Variants in ATRNL1 observed in about 807,000 individuals in gnomAD.
ATRNL1 encodes the protein attractin-like protein 1.
A neutral mutation model predicts 182.7 loss-of-function variants in ATRNL1; 95 were observed. That is an observed-to-expected ratio of 0.52 (90% confidence interval 0.44 to 0.62). The LOEUF is 0.62. ATRNL1 is among the 20% of genes least tolerant of loss of function. The pLI is 0.00. For synonymous variants in ATRNL1, 576 were observed against 568.3 expected, an observed-to-expected ratio of 1.01 and a Z score of -0.19; for missense variants, 1,471 against 1,679.5, an observed-to-expected ratio of 0.88 and a Z score of 2.17.
chr10:115,300,093 C>A lies in ATRNL1; in HGVS notation c.2475C>A (p.Asp825Glu). ...ATATATCCTATTGGGGATGGGAAGACATGTCTCCTTTTACAAACACAACAC... is the reference window on the plus strand; with the variant it reads ...ATATATCCTATTGGGGATGGGAAGAAATGTCTCCTTTTACAAACACAACAC... The part of the protein sequence containing the change: ...KINISYWGWE[D>E]MSPFTNTTLQ... Residue 825 changes from aspartate (D) to glutamate (E), a missense_variant, in exon 16 of 29, where the codon GAC becomes GAA. Around this residue, in one of 3 missense-constraint regions of ATRNL1, gnomAD observed 1,031 missense variants for 1,156.0 expected, o/e 0.89. Transcript: ENST00000355044. 1.2e-6 allele frequency: 2 copies of A among 1,614,052 alleles called. No homozygotes were observed.
At chr10:115,678,266 A>G (rs1168929861) in intron 26 of ATRNL1, among the ~76,000 whole-genome samples, 32 of 152,168 alleles carry the variant, frequency 2.1e-4, no homozygotes, top group Non-Finnish European at 7.4e-5. Context: ...ACAGGTTTAC[A>G]CCACTGTACA....
In ATRNL1 at chr10:115,886,131, C is replaced by T. The variant is rs573427477; in HGVS notation, c.4018+38140C>T. Among the ~76,000 whole-genome samples the T allele has an allele frequency of 2.7e-3, 413 of 152,140 alleles. 1 individual carries two copies. The highest frequency in any genetic ancestry group is 9.2e-3 in the African/African-American group (381 of 41,482). On this transcript the variant is annotated intron_variant, in intron 28 of 28. Transcript: ENST00000355044. ...GTTCCACCGAGTGAAACCAAAGGAC[C>T]TCATAGTATGCAGGACAAATGGAAG...
At chr10:115,108,582 A>G (rs1844124277) in intron 1 of ATRNL1, among the ~76,000 whole-genome samples, 1 of 152,138 alleles carries the variant, frequency 6.6e-6, no homozygotes, top group Non-Finnish European at 1.5e-5. Flanking sequence ...CCCCACCATA[A>G]TCTTCTTATG....
chr10:115,563,976 A>G (rs1443367456), intron 26 of ATRNL1, among the ~76,000 whole-genome samples: 1 of 152,088 alleles, frequency 6.6e-6, no homozygotes, highest in Non-Finnish European at 1.5e-5. Flanking sequence ...TGTTCTCCTC[A>G]TGTCCAAGAA....
At chr10:115,103,591 A>G (rs145698346) in intron 1 of ATRNL1, among the ~76,000 whole-genome samples, 381 of 152,290 alleles carry the variant, frequency 2.5e-3, no homozygotes, top group Non-Finnish European at 4.7e-3. Flanking sequence ...ATCAGGGTAA[A>G]TAGGGTATTC....
At chr10:115,852,948 G>A (rs998896499) in intron 28 of ATRNL1, among the ~76,000 whole-genome samples, 2 of 152,172 alleles carry the variant, frequency 1.3e-5, no homozygotes, top group East Asian at 3.9e-4. Flanking sequence ...GTATGTCTGA[G>A]CTCTGGACTT....
At chr10:115,873,685 A>G (rs1555106605) in intron 28 of ATRNL1, among the ~76,000 whole-genome samples, 1 of 152,160 alleles carries the variant, frequency 6.6e-6, no homozygotes, top group Non-Finnish European at 1.5e-5. Flanking sequence ...GATTTACTGT[A>G]TTGATTGACT....
chr10:115,870,553 C>G (rs1277294494), intron 28 of ATRNL1, among the ~76,000 whole-genome samples: 2 of 152,190 alleles, frequency 1.3e-5, no homozygotes, highest in Non-Finnish European at 2.9e-5. Context: ...AGGACTAACC[C>G]CTGAACTCCC....
intron 8 of ATRNL1, among the ~76,000 whole-genome samples, chr10:115,184,434 A>G (rs1847863431): frequency 6.6e-6 from 1 of 151,578 alleles, no homozygotes; most frequent in South Asian, 2.1e-4. Flanking sequence ...CTATATATAT[A>G]TATACACACA....
chr10:115,683,507 A>G (rs965284752), intron 26 of ATRNL1, among the ~76,000 whole-genome samples: 1 of 147,022 alleles, frequency 6.8e-6, no homozygotes, highest in African/African-American at 2.5e-5. Context: ...GTTGATAGAA[A>G]CCCTACAAGC....
Position 115,491,336 on chromosome 10 carries a change from C to T in ATRNL1, c.3654+22007C>T, listed in dbSNP as rs566646385. Among the ~76,000 whole-genome samples the T allele has an allele frequency of 2.6e-5, 4 of 152,274 alleles. No individual in the cohort carries two copies. The South Asian group carries it at 6.2e-4, about 24-fold the overall frequency. ...GTGATGTTTAAGTCTGCTGAAGCTG[C>T]CCCCACAGCTGCCCCTTCCTGCAGG... On this transcript the variant is annotated intron_variant, in intron 24 of 28. Coordinates refer to ENST00000355044, the MANE Select transcript of ATRNL1 (RefSeq NM_207303.4).
intron 26 of ATRNL1, among the ~76,000 whole-genome samples, chr10:115,702,871 A>G (rs1213680113): frequency 2.0e-5 from 3 of 152,008 alleles, no homozygotes; most frequent in African/African-American, 7.2e-5. Context: ...ATTCAACACT[A>G]TTCCTATCAA....
intron 18 of ATRNL1, among the ~76,000 whole-genome samples, chr10:115,331,503 T>C (rs970653899): frequency 6.6e-6 from 1 of 152,248 alleles, no homozygotes; most frequent in African/African-American, 2.4e-5. Flanking sequence ...TGCTGATTTT[T>C]CTTAAAGCAG....
chr10:115,940,532 A>T (rs1293727249), intron 28 of ATRNL1, among the ~76,000 whole-genome samples: 1 of 152,188 alleles, frequency 6.6e-6, no homozygotes, highest in African/African-American at 2.4e-5. Context: ...TCTTACCAGA[A>T]TATAACTGCT....
intron 19 of ATRNL1, among the ~76,000 whole-genome samples, chr10:115,337,804 C>T (rs970682376): frequency 6.6e-6 from 1 of 152,070 alleles, no homozygotes; most frequent in African/African-American, 2.4e-5. Context: ...ATACAGCAGT[C>T]CCCAACATTT....
chr10:115,094,254 C>G (rs1458786465), intron 1 of ATRNL1, among the ~76,000 whole-genome samples: 2 of 152,038 alleles, frequency 1.3e-5, no homozygotes, highest in African/African-American at 4.8e-5. Context: ...CGGGCCCGCG[C>G]GGAGCCCTGA....
chr10:115,467,254 TA>T lies in ATRNL1; in HGVS notation c.3496+9del. 12 of 1,592,734 alleles carry T rather than the reference TA, an allele frequency of 7.5e-6. No homozygotes were observed. The highest frequency in any genetic ancestry group is 1.4e-5 in the African/African-American group (1 of 74,020). ...TTACGTGGTCTGTCGGTTCAACAGG[TA>T]AAAAAATGTTGATGTCATATCTCTT... On this transcript the variant is annotated splice_donor_region_variant and intron_variant, in intron 23 of 28. Coordinates refer to ENST00000355044, the MANE Select transcript of ATRNL1 (RefSeq NM_207303.4).
chr10:115,177,224 T>C (rs968703403), intron 8 of ATRNL1, among the ~76,000 whole-genome samples: 1 of 152,144 alleles, frequency 6.6e-6, no homozygotes, highest in Non-Finnish European at 1.5e-5. Flanking sequence ...TGTGCAGTCA[T>C]TGGTGATCTT....
At chr10:115,795,755 A>G (rs149472203) in intron 27 of ATRNL1, among the ~76,000 whole-genome samples, 1 of 152,124 alleles carries the variant, frequency 6.6e-6, no homozygotes, top group South Asian at 2.1e-4. Flanking sequence ...ATGAGACAGC[A>G]CTAGAGGGAT....
Sources: gnomAD v4.1 joint callset for allele counts (sites outside exome capture counted in the v4.1 genomes callset) on GRCh38, gnomAD v4.1.1 for gene constraint, gnomAD v4.1.1 regional missense constraint, MANE v1.5 for transcripts, NCBI Gene and HGNC (gene_info 2026-07-23, HGNC 2026-07-21) for gene names.